MYH11: variants seen among roughly 807,000 people sequenced by gnomAD.
MYH11 encodes myosin heavy chain 11.
MYH11 carries 80 observed loss-of-function variants against 246.6 expected under a neutral mutation model. The observed-to-expected ratio is 0.32, with a 90% CI of 0.27 to 0.39. The LOEUF (loss-of-function observed/expected upper bound fraction) is 0.39, where lower values mean the gene tolerates loss of function less well. Among genes scored for constraint, MYH11 ranks in the 10% least tolerant of loss-of-function variants. The probability of loss-of-function intolerance (pLI) is 1.00; values close to 1 mark genes in which losing one functional copy is unlikely to be tolerated. For missense variants in MYH11, 2,158 were observed against 2,546.8 expected (o/e 0.85, Z 3.29); for synonymous variants, 1,071 against 1,015.5 (o/e 1.05, Z -1.04).
At chr16:15,767,333 C>T (rs527938013) in intron 9 of MYH11, among the ~76,000 whole-genome samples, 1 of 152,240 alleles carries the variant, frequency 6.6e-6, no homozygotes, top group African/African-American at 2.4e-5. Flanking sequence ...GTACCTGCTT[C>T]GTGAAGTTTA....
chr16:15,714,020 G>A (rs1046924988), intron 40 of MYH11: 2 of 152,364 alleles, frequency 1.3e-5, no homozygotes, highest in East Asian at 3.8e-4. Context: ...AGGAGTACTG[G>A]TTGGCCCGGT....
At chr16:15,800,604 G>C (rs911022592) in intron 3 of MYH11, among the ~76,000 whole-genome samples, 5 of 146,904 alleles carry the variant, frequency 3.4e-5, no homozygotes, top group African/African-American at 1.3e-4. Context: ...GAGTTGGATG[G>C]ATGGATGGAT....
chr16:15,822,510 C>T (rs1288527854), intron 3 of MYH11, among the ~76,000 whole-genome samples: 1 of 152,006 alleles, frequency 6.6e-6, no homozygotes, highest in African/African-American at 2.4e-5. Flanking sequence ...CCTGTCACTT[C>T]CAAAAACAAA....
At chr16:15,780,222 A>G (rs1427626413) in intron 6 of MYH11, among the ~76,000 whole-genome samples, 1 of 152,100 alleles carries the variant, frequency 6.6e-6, no homozygotes, top group Admixed American at 6.6e-5. Flanking sequence ...CACATCTGCT[A>G]TGGAGATTTT....
intron 14 of MYH11, among the ~76,000 whole-genome samples, chr16:15,754,501 TA>T (rs1008095811): frequency 1.1e-4 from 16 of 152,110 alleles, no homozygotes; most frequent in East Asian, 1.9e-4. Flanking sequence ...AAAATAATAA[TA>T]AAAAAAATCC....
At position 15,717,358 on chromosome 16, in the gene MYH11, A is replaced by G. The variant is rs111858392; in HGVS notation, c.5296-10T>C. The G allele has an allele frequency of 8.2e-5, 132 of 1,603,988 alleles. 1 individual carries two copies. In the African/African-American group the frequency reaches 1.3e-3, roughly 16 times the overall value. ...TGCTGAGCTGCTCGGCCTGGGGAGGAGAGTGAAGGCCATGAGGCGGACTCA... is the reference window on the plus strand; with the variant it reads ...TGCTGAGCTGCTCGGCCTGGGGAGGGGAGTGAAGGCCATGAGGCGGACTCA... On this transcript the variant is annotated splice_polypyrimidine_tract_variant and intron_variant, in intron 37 of 40. Transcript: ENST00000300036.
Position 15,724,674 on chromosome 16 carries a change from C to G in MYH11, c.4089G>C (p.Glu1363Asp), listed in dbSNP as rs748585013. 6.2e-7 allele frequency: 1 copy of G among 1,614,220 alleles called. No individual in the cohort carries two copies. ...GGATGTTGAGAGTGGAGATGTGGCG[C>G]TCCAGGTTCTGCTTGGCCTCCATCT... ...DEEMEAKQNL[E>D]RHISTLNIQL... Residue 1363 changes from glutamate to aspartate, a missense_variant, in exon 30 of 41, where the codon GAG becomes GAC. Coordinates refer to ENST00000300036, the MANE Select transcript of MYH11 (RefSeq NM_002474.3).
At chr16:15,751,243 G>C (rs4781685) in intron 15 of MYH11, among the ~76,000 whole-genome samples, 74,687 of 151,266 alleles carry the variant, frequency 0.49, 19,798 homozygotes, top group East Asian at 0.69. Flanking sequence ...TCACCACAAC[G>C]TCCGCCTCCC....
At chr16:15,821,183 T>C (rs2043401310) in intron 3 of MYH11, among the ~76,000 whole-genome samples, 2 of 152,172 alleles carry the variant, frequency 1.3e-5, no homozygotes, top group African/African-American at 4.8e-5. Context: ...GCAATGTCAT[T>C]TTTCAAGCTC....
At chr16:15,770,855 C>T (rs1048161286) in intron 9 of MYH11, among the ~76,000 whole-genome samples, 1 of 152,144 alleles carries the variant, frequency 6.6e-6, no homozygotes, top group African/African-American at 2.4e-5. Flanking sequence ...AATATAAGGG[C>T]TGGAACCCAG....
chr16:15,822,664 G>A (rs1567199977), intron 3 of MYH11, among the ~76,000 whole-genome samples: 1 of 152,182 alleles, frequency 6.6e-6, no homozygotes, highest in African/African-American at 2.4e-5. Flanking sequence ...GCAGGGAGCC[G>A]AGATGGCACC....
At chr16:15,763,741 T>TCCGGGGC in intron 10 of MYH11, 55 bp downstream of exon 10, 1 of 646,862 alleles carries the variant, frequency 1.5e-6, no homozygotes, top group Non-Finnish European at 2.9e-6. Context: ...AAATGTCACC[T>TCCGGGGC]CCCCCACCCC....
At chr16:15,718,252 T>C (rs982598510) in intron 37 of MYH11, 63 bp downstream of exon 37, 36 of 1,602,548 alleles carry the variant, frequency 2.2e-5, no homozygotes, top group Non-Finnish European at 2.7e-5. Context: ...TGTTGACTGG[T>C]GCAGGATCCT....
At position 15,717,553 on chromosome 16, in the gene MYH11, T is replaced by C. The variant is rs756045655; in HGVS notation, c.5296-205A>G. The C allele has an allele frequency of 3.4e-4, 206 of 605,932 alleles. 1 individual carries two copies. The highest frequency in any genetic ancestry group is 1.2e-3 in the Admixed American group (40 of 34,096). The allele number at this position is 605,932 out of a possible 1,614,324, so 37.5% of individuals were successfully genotyped here. A position where few individuals can be genotyped will look rare whatever the true frequency, so the allele number is the denominator to read the frequency against. On this transcript the variant is annotated intron_variant, in intron 37 of 40. Transcript: ENST00000300036. ...CGCACGCCTGTAATCCCAGCACTTT[T>C]GGAAGCAGAGGCAGGTAAATCACTT...
At chr16:15,826,896 G>A (rs2151366743) in intron 2 of MYH11, among the ~76,000 whole-genome samples, 1 of 151,450 alleles carries the variant, frequency 6.6e-6, no homozygotes, top group Admixed American at 6.6e-5. Context: ...GGCAGGCTGA[G>A]GCAGGAGAAT....
intron 40 of MYH11, chr16:15,708,951 C>T (rs965153465): frequency 5.1e-6 from 6 of 1,170,160 alleles, no homozygotes; most frequent in Non-Finnish European, 5.0e-6. Context: ...TAATTAAAGG[C>T]ACTCTTTTTT....
At chr16:15,805,579 G>A (rs2042990459) in intron 3 of MYH11, among the ~76,000 whole-genome samples, 2 of 152,166 alleles carry the variant, frequency 1.3e-5, no homozygotes, top group Non-Finnish European at 2.9e-5. Flanking sequence ...ACAAAATGTG[G>A]TCTACCCAGA....
chr16:15,758,105 C>A, intron 12 of MYH11, 105 bp from the exon 13 acceptor site: 2 of 1,532,404 alleles, frequency 1.3e-6, no homozygotes, highest in Non-Finnish European at 1.8e-6. Context: ...GGCCCGCCCA[C>A]ATCCTGTTCT....
chr16:15,754,458 G>T (rs891708936), intron 14 of MYH11, among the ~76,000 whole-genome samples: 1 of 152,106 alleles, frequency 6.6e-6, no homozygotes, highest in Non-Finnish European at 1.5e-5. Flanking sequence ...GGGTTATCAG[G>T]ATAATAGGTA....
Sources: allele counts gnomAD v4.1 joint callset (sites outside exome capture counted in the v4.1 genomes callset), GRCh38; gene constraint gnomAD v4.1.1; transcripts MANE v1.5; gene names NCBI Gene and HGNC (gene_info 2026-07-23, HGNC 2026-07-21).